Variants in NEB observed in about 807,000 individuals in gnomAD.
The protein encoded by NEB is nemaline myopathy type 2.
Under a neutral mutation model 952.2 loss-of-function variants are expected in NEB, and 512 were observed. That is an observed-to-expected ratio of 0.54 (90% CI 0.50 to 0.58). NEB has a LOEUF of 0.58. NEB is among the 20% of genes least tolerant of loss of function. The pLI is 0.00. For missense variants in NEB, 8,428 were observed against 9,231.1 expected (o/e 0.91, Z 3.56); for synonymous variants, 2,900 against 3,149.8 (o/e 0.92, Z 2.66).
intron 1 of NEB, among the ~76,000 whole-genome samples, chr2:151,734,081 A>G (rs953573121): frequency 1.3e-5 from 2 of 152,206 alleles, no homozygotes; most frequent in South Asian, 2.1e-4. Context: ...CAGGATAAAT[A>G]TAGGAACGTA....
intron 2 of NEB, 120 bp from the exon 3 acceptor site, chr2:151,733,305 G>A (rs762043216): frequency 4.2e-6 from 3 of 714,732 alleles, no homozygotes; most frequent in Admixed American, 5.6e-5. Flanking sequence ...ATATATTGTT[G>A]CAGGCTAAAG....
intron 121 of NEB, among the ~76,000 whole-genome samples, chr2:151,561,536 C>G (rs1042906533): frequency 1.3e-5 from 2 of 151,174 alleles, no homozygotes; most frequent in Non-Finnish European, 1.5e-5. Flanking sequence ...GTTGCCTTTT[C>G]CATGCCTATT....
At chr2:151,670,571 T>C (rs1044485794) in intron 38 of NEB, among the ~76,000 whole-genome samples, 1 of 151,942 alleles carries the variant, frequency 6.6e-6, no homozygotes, top group Non-Finnish European at 1.5e-5. Context: ...GCTTATCTCC[T>C]CCCTAGAGGC....
intron 161 of NEB, among the ~76,000 whole-genome samples, chr2:151,511,368 C>G (rs1430886485): frequency 1.3e-5 from 2 of 152,206 alleles, no homozygotes; most frequent in Non-Finnish European, 2.9e-5. Flanking sequence ...CTATATTTTT[C>G]ATGTGTAATT....
chr2:151,656,537 T>C lies in NEB; in HGVS notation c.6184-73A>G, dbSNP rs192489739. ...AAATCGATCTAGTGTCAATATGCTATATTATTTTTGTATAATTATAAAATA... is the reference window on the plus strand; with the variant it reads ...AAATCGATCTAGTGTCAATATGCTACATTATTTTTGTATAATTATAAAATA... On this transcript the variant is annotated intron_variant, in intron 48 of 181. Transcript: ENST00000397345. The C allele has an allele frequency of 7.3e-4, 624 of 853,410 alleles. 3 individuals carry two copies. In the African/African-American group the frequency reaches 0.01, roughly 14 times the overall value. 52.9% of individuals were successfully genotyped at this position (853,410 alleles called of 1,614,324 possible).
chr2:151,574,162 G>A (rs1370840426), intron 107 of NEB, among the ~76,000 whole-genome samples: 2 of 152,150 alleles, frequency 1.3e-5, no homozygotes, highest in Admixed American at 1.3e-4. Context: ...TTTTAGTAGA[G>A]ACAGGGTTTC....
rs766277631 is a variant in NEB at position 151,687,682 on chromosome 2, T to C, written c.2467A>G (p.Lys823Glu). ...EKSKAKKFDI[K>E]VDAIPLLAAK... is the part of the protein sequence containing the mutation. ...GCCAACAGGGGAATGGCGTCCACTT[T>C]AATGTCAAACTTCTTGGCTTTGCTC... Residue 823 changes from lysine (K) to glutamate (E), a missense_variant, in exon 26 of 182, where the codon AAA (lysine) becomes GAA (glutamate). This residue lies in a region of NEB where 2,851 missense variants were observed against 2,791.5 expected (regional missense o/e 1.02). Transcript: ENST00000397345. 3.1e-6 allele frequency: 5 copies of C among 1,606,206 alleles called. No individual in the cohort carries two copies. The highest frequency in any genetic ancestry group is 1.3e-5 in the African/African-American group (1 of 74,822).
chr2:151,512,187 C>T (rs1182642762), intron 161 of NEB, among the ~76,000 whole-genome samples: 1 of 151,790 alleles, frequency 6.6e-6, no homozygotes, highest in African/African-American at 2.4e-5. Flanking sequence ...CCTGCCACCA[C>T]GCCCGGCTAA....
chr2:151,523,103 G>C (rs1328673606), intron 153 of NEB, among the ~76,000 whole-genome samples: 1 of 151,964 alleles, frequency 6.6e-6, no homozygotes, highest in African/African-American at 2.4e-5. Context: ...ATATGACCTT[G>C]TACATTTAAA....
In NEB at chr2:151,619,668, A is replaced by ATG. The variant is rs2098334864; in HGVS notation, c.10653_10654dup (p.Ile3552ThrfsTer84). 1 of 1,613,960 alleles carries ATG rather than the reference A, an allele frequency of 6.2e-7. No individual in the cohort carries two copies. The highest frequency in any genetic ancestry group is 8.5e-7 in the Non-Finnish European group (1 of 1,179,860). ...CTCACGGTCACTCTGCACTTTGGCA[A>ATG]TGTGGAGGGACCACATTATCTTGGG... On this transcript the variant is annotated frameshift_variant, in exon 73 of 182. Transcript: ENST00000397345. LOFTEE classifies it high-confidence loss of function.
At chr2:151,525,067 G>T in intron 151 of NEB, 96 bp downstream of exon 151, 1 of 922,220 alleles carries the variant, frequency 1.1e-6, no homozygotes, top group Non-Finnish European at 1.8e-6. Context: ...TACCACAGAG[G>T]AATTAGAGTG....
chr2:151,725,151 T>C (rs1040363850), intron 6 of NEB, among the ~76,000 whole-genome samples, 190 bp from the exon 7 acceptor site: 9 of 152,376 alleles, frequency 5.9e-5, no homozygotes, highest in Middle Eastern at 6.8e-3. Flanking sequence ...TCTGCTTTCC[T>C]GGCTGGATCT....
intron 69 of NEB, 76 bp from the exon 70 acceptor site, chr2:151,627,281 A>T (rs940151784): frequency 6.6e-7 from 1 of 1,511,554 alleles, no homozygotes; most frequent in Non-Finnish European, 8.9e-7. Context: ...AAATAACACT[A>T]GAAAGCTTGG....
intron 161 of NEB, among the ~76,000 whole-genome samples, chr2:151,511,619 CA>C (rs1237284629): frequency 6.6e-6 from 1 of 152,222 alleles, no homozygotes; most frequent in Admixed American, 6.5e-5. Context: ...GATCAGAAGA[CA>C]AGCACAAATT....
chr2:151,671,104 GTGC>G lies in NEB; in HGVS notation c.4422_4424del (p.Gln1474del). ...CACTTGTGAACTTGACGGTATCTGG[GTGC>G]TGTCGATACTTCCTCTCATTTAATG... On this transcript the variant is annotated inframe_deletion, in exon 38 of 182. Transcript: ENST00000397345. 6.2e-7 allele frequency: 1 copy of G among 1,613,982 alleles called. No individual in the cohort carries two copies. Among genetic ancestry groups the G allele is most frequent in the Non-Finnish European group, 8.5e-7 (1 of 1,179,876 alleles).
At chr2:151,686,580 C>T (rs2099500968) in intron 27 of NEB, among the ~76,000 whole-genome samples, 1 of 151,930 alleles carries the variant, frequency 6.6e-6, no homozygotes, top group Non-Finnish European at 1.5e-5. Flanking sequence ...TTTTAAAGTG[C>T]TATGTAATGA....
At chr2:151,581,717 A>C in intron 102 of NEB, 130 bp from the exon 103 acceptor site, 1 of 913,098 alleles carries the variant, frequency 1.1e-6, no homozygotes, top group Non-Finnish European at 1.6e-6. Context: ...GAATTTTATA[A>C]TAAATTAAAA....
At position 151,502,826 on chromosome 2, in the gene NEB, C is replaced by G. The variant is rs1229640938; in HGVS notation, c.23895G>C (p.Glu7965Asp). Reference sequence around the variant, plus strand: ...AGTTCTCTTGATTGCGTTTGACTCTCTCCATCTCTGGAGTGATAGGTGTTG... The same window carrying G: ...AGTTCTCTTGATTGCGTTTGACTCTGTCCATCTCTGGAGTGATAGGTGTTG... ...GIPTPITPEM[E>D]RVKRNQENFS... The change falls in exon 167 of 182, where the codon GAG becomes GAC. Residue 7965 changes from glutamate (E) to aspartate (D), a missense_variant. This residue lies in a region of NEB where 3,374 missense variants were observed against 3,651.5 expected (regional missense o/e 0.92). Transcript: ENST00000397345. 1.9e-6 allele frequency: 3 copies of G among 1,608,080 alleles called. No individual in the cohort carries two copies. The highest frequency in any genetic ancestry group is 1.1e-5 in the South Asian group (1 of 89,508).
At chr2:151,674,665 G>A (rs984707586) in intron 35 of NEB, 81 bp from the exon 36 acceptor site, 15 of 1,022,036 alleles carry the variant, frequency 1.5e-5, no homozygotes, top group Non-Finnish European at 2.1e-5. Context: ...TTTCCAGACA[G>A]AAGTTGAAGG....
Sources: gnomAD v4.1 joint callset for allele counts (sites outside exome capture counted in the v4.1 genomes callset) on GRCh38, gnomAD v4.1.1 for gene constraint, gnomAD v4.1.1 regional missense constraint, MANE v1.5 for transcripts, NCBI Gene and HGNC (gene_info 2026-07-23, HGNC 2026-07-21) for gene names.